The following DLG2 variants were observed in gnomAD, a reference collection of about 807,000 sequenced individuals.
DLG2 encodes the protein discs large MAGUK scaffold protein 2.
A neutral mutation model predicts 132.5 loss-of-function variants in DLG2; 45 were observed. The observed-to-expected ratio is 0.34, with a 90% confidence interval of 0.27 to 0.44. DLG2 has a LOEUF of 0.44. Among genes scored for constraint, DLG2 ranks in the 20% least tolerant of loss-of-function variants. DLG2 has a pLI of 1.00. For missense variants in DLG2, 1,045 were observed against 1,196.9 expected (o/e 0.87, Z 1.87); for synonymous variants, 424 against 419.6 (o/e 1.01, Z -0.13).
intron 3 of DLG2, among the ~76,000 whole-genome samples, chr11:85,330,673 T>C (rs2081639495): frequency 9.5e-6 from 1 of 105,410 alleles, no homozygotes; most frequent in African/African-American, 3.7e-5. Flanking sequence ...ATATACCTAA[T>C]GCTAGATGAC....
chr11:83,474,344 A>G (rs546854796), intron 22 of DLG2, among the ~76,000 whole-genome samples: 2 of 152,266 alleles, frequency 1.3e-5, no homozygotes, highest in East Asian at 3.9e-4. Context: ...TGTAGAGGGT[A>G]TACGCATTCA....
chr11:85,265,739 T>C (rs1595811989), intron 4 of DLG2, among the ~76,000 whole-genome samples: 1 of 152,208 alleles, frequency 6.6e-6, no homozygotes, highest in Non-Finnish European at 1.5e-5. Flanking sequence ...CCTGTGCCTA[T>C]AAAGATCCTA....
chr11:85,087,803 AGT>A, intron 6 of DLG2, among the ~76,000 whole-genome samples: 1 of 133,558 alleles, frequency 7.5e-6, no homozygotes, highest in Non-Finnish European at 1.6e-5. Context: ...GCGCCACTGC[AGT>A]CCGCAGTCCG....
At chr11:84,877,356 A>C (rs2086522690) in intron 6 of DLG2, among the ~76,000 whole-genome samples, 1 of 151,990 alleles carries the variant, frequency 6.6e-6, no homozygotes, top group Non-Finnish European at 1.5e-5. Context: ...TGACTTATGA[A>C]TCTGGGTGCT....
chr11:84,975,110 TAAG>T (rs1431271655), intron 6 of DLG2, among the ~76,000 whole-genome samples: 1 of 151,876 alleles, frequency 6.6e-6, no homozygotes, highest in African/African-American at 2.4e-5. Context: ...TGAGAATGGG[TAAG>T]GAGGAGGGGT....
At chr11:84,207,490 A>ATC (rs1566931262) in intron 8 of DLG2, among the ~76,000 whole-genome samples, 1 of 152,134 alleles carries the variant, frequency 6.6e-6, no homozygotes, top group Non-Finnish European at 1.5e-5. Flanking sequence ...AGTACCATAA[A>ATC]TATATAGTAA....
intron 3 of DLG2, among the ~76,000 whole-genome samples, chr11:85,585,396 T>G (rs1283104939): frequency 2.6e-5 from 4 of 152,198 alleles, no homozygotes; most frequent in African/African-American, 9.6e-5. Context: ...CCAATTTGGA[T>G]GCCCTTTCTT....
At chr11:83,930,256 G>A (rs994540565) in intron 15 of DLG2, 72 bp downstream of exon 15, 69 of 1,543,296 alleles carry the variant, frequency 4.5e-5, no homozygotes, top group Non-Finnish European at 5.4e-5. Flanking sequence ...GAGCAGAGGC[G>A]GATTCTACCC....
At chr11:84,167,677 T>C (rs2154266423) in intron 8 of DLG2, among the ~76,000 whole-genome samples, 1 of 152,298 alleles carries the variant, frequency 6.6e-6, no homozygotes, top group South Asian at 2.1e-4. Context: ...ATAATTTTTT[T>C]TTTTTCGAGA....
At chr11:84,878,592 A>G (rs2086787949) in intron 6 of DLG2, among the ~76,000 whole-genome samples, 1 of 152,118 alleles carries the variant, frequency 6.6e-6, no homozygotes, top group Non-Finnish European at 1.5e-5. Flanking sequence ...GCATTAGGAG[A>G]AATACCTAAT....
intron 6 of DLG2, among the ~76,000 whole-genome samples, chr11:84,833,526 T>C (rs1354676846): frequency 2.0e-5 from 3 of 151,504 alleles, no homozygotes; most frequent in Non-Finnish European, 4.4e-5. Flanking sequence ...GGTTTTCACA[T>C]TGACATCATC....
At chr11:84,963,858 G>A (rs1322052157) in intron 6 of DLG2, among the ~76,000 whole-genome samples, 1 of 152,224 alleles carries the variant, frequency 6.6e-6, no homozygotes, top group East Asian at 1.9e-4. Flanking sequence ...AACTCACCTG[G>A]CACAAGTCCT....
chr11:85,184,499 C>T (rs2079952003), intron 4 of DLG2, among the ~76,000 whole-genome samples: 1 of 151,628 alleles, frequency 6.6e-6, no homozygotes, highest in South Asian at 2.1e-4. Context: ...TGACTATTTC[C>T]TGATACCACC....
At chr11:83,968,183 A>G (rs1465943017) in intron 12 of DLG2, among the ~76,000 whole-genome samples, 1 of 152,208 alleles carries the variant, frequency 6.6e-6, no homozygotes, top group Non-Finnish European at 1.5e-5. Context: ...CTTCAGCTAT[A>G]CCATACTTTG....
At chr11:84,459,150 T>C (rs1214925197) in intron 7 of DLG2, among the ~76,000 whole-genome samples, 1 of 150,648 alleles carries the variant, frequency 6.6e-6, no homozygotes, top group Non-Finnish European at 1.5e-5. Context: ...ATGAACACTA[T>C]GTTTTGAATA....
chr11:85,504,770 G>A (rs2093889190), intron 3 of DLG2, among the ~76,000 whole-genome samples: 1 of 152,146 alleles, frequency 6.6e-6, no homozygotes, highest in Non-Finnish European at 1.5e-5. Flanking sequence ...GTAGCTTGAT[G>A]GGGATGGCAT....
At chr11:85,542,014 G>A (rs578153963) in intron 3 of DLG2, among the ~76,000 whole-genome samples, 1 of 152,064 alleles carries the variant, frequency 6.6e-6, no homozygotes, top group South Asian at 2.1e-4. Context: ...AGAGTAAGGG[G>A]GAAAAAAATC....
At chr11:84,212,398 C>CA (rs1273803618) in intron 8 of DLG2, among the ~76,000 whole-genome samples, 1 of 152,110 alleles carries the variant, frequency 6.6e-6, no homozygotes, top group Non-Finnish European at 1.5e-5. Flanking sequence ...CATAAAATTA[C>CA]AAAAACACAA....
chr11:85,021,379 C>G, intron 6 of DLG2: 1 of 1,346,716 alleles, frequency 7.4e-7, no homozygotes, highest in Non-Finnish European at 1.1e-6. Context: ...TGCTTTTCCT[C>G]GGTTCACTTT....
Sources: allele counts gnomAD v4.1 joint callset (sites outside exome capture counted in the v4.1 genomes callset), GRCh38; gene constraint gnomAD v4.1.1; transcripts MANE v1.5; gene names NCBI Gene and HGNC (gene_info 2026-07-23, HGNC 2026-07-21).